ZFAND3: variants seen among roughly 807,000 people sequenced by gnomAD.
ZFAND3 encodes AN1-type zinc finger protein 3.
A neutral mutation model predicts 29.6 loss-of-function variants in ZFAND3; 10 were observed. The observed-to-expected ratio is 0.34, with a 90% CI of 0.21 to 0.57. The LOEUF (loss-of-function observed/expected upper bound fraction) is 0.57, where lower values mean the gene tolerates loss of function less well. Among genes scored for constraint, ZFAND3 ranks in the 20% least tolerant of loss-of-function variants. ZFAND3 has a pLI of 0.86. For synonymous variants in ZFAND3, 128 were observed against 112.6 expected (o/e 1.14, Z -0.87); for missense variants, 230 against 304.5 (o/e 0.76, Z 1.82).
intron 3 of ZFAND3, among the ~76,000 whole-genome samples, chr6:38,076,859 G>A (rs1321264431): frequency 6.6e-6 from 1 of 152,074 alleles, no homozygotes; most frequent in Non-Finnish European, 1.5e-5. Context: ...GGAGATTAGG[G>A]TTTTCTTTTC....
At chr6:37,890,826 T>G (rs541089402) in intron 1 of ZFAND3, among the ~76,000 whole-genome samples, 3 of 152,308 alleles carry the variant, frequency 2.0e-5, no homozygotes, top group Admixed American at 1.3e-4. Flanking sequence ...AAATTCAATT[T>G]TTATTTTGAA....
At chr6:37,947,219 G>A (rs1392940819) in intron 2 of ZFAND3, among the ~76,000 whole-genome samples, 1 of 152,042 alleles carries the variant, frequency 6.6e-6, no homozygotes, top group Non-Finnish European at 1.5e-5. Flanking sequence ...ATCTTGTTCT[G>A]TGACAGTAAA....
chr6:38,007,558 A>C (rs182532063), intron 2 of ZFAND3, among the ~76,000 whole-genome samples: 127 of 152,302 alleles, frequency 8.3e-4, no homozygotes, highest in Admixed American at 2.0e-4. Flanking sequence ...TTAAAAAAAA[A>C]GATCACTTAG....
At position 38,111,172 on chromosome 6, in the gene ZFAND3, A is replaced by G. The variant is rs140646654; in HGVS notation, c.362-5400A>G. 4.6e-5 allele frequency among the ~76,000 whole-genome samples: 7 copies of G among 152,326 alleles called. No individual in the cohort carries two copies. The East Asian group carries it at 1.3e-3, about 29-fold the overall frequency. ...TTCTGAGACTGGCTAGGAAAGTACA[A>G]TTAGAAGAATTCCTCTCTTCAGAAG... On this transcript the variant is annotated intron_variant, in intron 4 of 5. Coordinates refer to ENST00000287218, the MANE Select transcript of ZFAND3 (RefSeq NM_021943.3).
chr6:37,832,729 T>G (rs1374951923), intron 1 of ZFAND3, among the ~76,000 whole-genome samples: 1 of 152,098 alleles, frequency 6.6e-6, no homozygotes, highest in African/African-American at 2.4e-5. Flanking sequence ...GAGGCTAGAG[T>G]GCAGTGACAG....
intron 4 of ZFAND3, among the ~76,000 whole-genome samples, chr6:38,104,191 C>T (rs971820290): frequency 2.6e-5 from 4 of 152,088 alleles, no homozygotes; most frequent in African/African-American, 7.2e-5. Flanking sequence ...GTAATTAGTG[C>T]AGTGGAAATG....
intron 1 of ZFAND3, among the ~76,000 whole-genome samples, chr6:37,921,845 A>G (rs956330335): frequency 2.0e-5 from 3 of 151,134 alleles, no homozygotes; most frequent in Admixed American, 6.6e-5. Context: ...CACTAGTCAG[A>G]GACCTGCCTG....
chr6:37,860,261 T>G (rs946409833), intron 1 of ZFAND3, among the ~76,000 whole-genome samples: 1 of 148,944 alleles, frequency 6.7e-6, no homozygotes, highest in Admixed American at 6.8e-5. Context: ...AGTACTTACA[T>G]AGTAAAGAGG....
intron 2 of ZFAND3, among the ~76,000 whole-genome samples, chr6:37,971,948 C>G (rs72850856): frequency 0.065 from 9,912 of 151,648 alleles, 393 homozygotes; most frequent in Non-Finnish European, 0.094. Context: ...GCACTCCAGC[C>G]TGGGCGATAG....
At chr6:37,982,041 T>C (rs1762589398) in intron 2 of ZFAND3, among the ~76,000 whole-genome samples, 1 of 152,136 alleles carries the variant, frequency 6.6e-6, no homozygotes, top group Admixed American at 6.5e-5. Context: ...TTTACAAGGA[T>C]AGTCATTTAT....
At chr6:37,916,282 C>T (rs1222846922) in intron 1 of ZFAND3, among the ~76,000 whole-genome samples, 1 of 152,086 alleles carries the variant, frequency 6.6e-6, no homozygotes, top group African/African-American at 2.4e-5. Flanking sequence ...GAAACAAAGA[C>T]TTGCTCAATG....
intron 4 of ZFAND3, among the ~76,000 whole-genome samples, chr6:38,101,772 CAAAAAAAAAAA>C (rs57491627): frequency 1.6e-4 from 7 of 42,748 alleles, no homozygotes; most frequent in Admixed American, 7.1e-4. Flanking sequence ...GACTCCCTCT[CAAAAAAAAAAA>C]AAAAAAAAAA....
intron 3 of ZFAND3, among the ~76,000 whole-genome samples, chr6:38,065,868 A>G (rs1415313709): frequency 6.6e-6 from 1 of 152,244 alleles, no homozygotes; most frequent in African/African-American, 2.4e-5. Flanking sequence ...TGGTTTGTAT[A>G]TTCATTTAGC....
At chr6:37,882,413 A>G (rs1336208068) in intron 1 of ZFAND3, among the ~76,000 whole-genome samples, 1 of 152,016 alleles carries the variant, frequency 6.6e-6, no homozygotes, top group East Asian at 1.9e-4. Flanking sequence ...GATACTTGTT[A>G]AGGTTAGGGC....
rs1436270221 is a variant in ZFAND3 at position 37,822,280 on chromosome 6, A to C, written c.71+2264A>C. The stretch of plus-strand genomic sequence containing the variant: ...ATTTTCAGTCTGATACTTTTTATGA[A>C]CTTCAGTTTACCTAGCAGGAGTAGT... On this transcript the variant is annotated intron_variant, in intron 1 of 5. Coordinates refer to ENST00000287218, the MANE Select transcript of ZFAND3 (RefSeq NM_021943.3). Among the ~76,000 whole-genome samples the C allele has an allele frequency of 2.6e-5, 4 of 152,262 alleles. No homozygotes were observed. In the South Asian group the frequency reaches 8.3e-4, roughly 32 times the overall value.
chr6:37,891,070 C>T (rs1007618162), intron 1 of ZFAND3, among the ~76,000 whole-genome samples: 16 of 152,178 alleles, frequency 1.1e-4, no homozygotes, highest in Non-Finnish European at 1.0e-4. Context: ...TTTTAGCTAT[C>T]ACTTCTCTAT....
At chr6:38,044,239 C>T (rs1763853453) in intron 2 of ZFAND3, among the ~76,000 whole-genome samples, 1 of 152,196 alleles carries the variant, frequency 6.6e-6, no homozygotes, top group Admixed American at 6.5e-5. Context: ...CTTTTCCTTA[C>T]ACCCATAGCA....
At chr6:38,037,657 T>C (rs1229546360) in intron 2 of ZFAND3, among the ~76,000 whole-genome samples, 2 of 152,144 alleles carry the variant, frequency 1.3e-5, no homozygotes, top group East Asian at 1.9e-4. Context: ...AGCACTTCCA[T>C]TGGGATGGGG....
intron 1 of ZFAND3, 38 bp downstream of exon 1, chr6:37,820,054 CG>C (rs1763632949): frequency 4.4e-6 from 4 of 914,304 alleles, no homozygotes; most frequent in South Asian, 5.3e-5. Flanking sequence ...GGGCGGGGGC[CG>C]GGGGCGCAGA....
Sources: allele counts gnomAD v4.1 joint callset (sites outside exome capture counted in the v4.1 genomes callset), GRCh38; gene constraint gnomAD v4.1.1; transcripts MANE v1.5; gene names NCBI Gene and HGNC (gene_info 2026-07-23, HGNC 2026-07-21).